The following CSRNP3 variants were observed in gnomAD, a reference collection of about 807,000 sequenced individuals.
CSRNP3 encodes cysteine/serine-rich nuclear protein 3.
Under a neutral mutation model 48.0 loss-of-function variants are expected in CSRNP3, and 12 were observed. That is an observed-to-expected ratio of 0.25 (90% CI 0.16 to 0.41). The LOEUF is 0.41. Among genes scored for constraint, CSRNP3 ranks in the 10% least tolerant of loss-of-function variants. CSRNP3 has a pLI of 1.00. For synonymous variants in CSRNP3, 263 were observed against 269.7 expected (o/e 0.98, Z 0.24); for missense variants, 580 against 724.4 (o/e 0.80, Z 2.29).
At chr2:165,554,669 T>C (rs992251255) in intron 3 of CSRNP3, among the ~76,000 whole-genome samples, 2 of 152,188 alleles carry the variant, frequency 1.3e-5, no homozygotes, top group Non-Finnish European at 1.5e-5. Flanking sequence ...TTTTTACTAC[T>C]GTGTGATCCA....
At chr2:165,632,530 A>G (rs1157810327) in intron 4 of CSRNP3, among the ~76,000 whole-genome samples, 3 of 152,092 alleles carry the variant, frequency 2.0e-5, no homozygotes, top group African/African-American at 7.2e-5. Context: ...TAACAAAAAT[A>G]AGGAAACCAA....
At chr2:165,668,765 C>G (rs1687279026) in intron 5 of CSRNP3, among the ~76,000 whole-genome samples, 1 of 152,080 alleles carries the variant, frequency 6.6e-6, no homozygotes, top group Admixed American at 6.6e-5. Context: ...TCTCTTGCCC[C>G]ACAGCACTGA....
chr2:165,609,924 G>C (rs983299581), intron 4 of CSRNP3, among the ~76,000 whole-genome samples: 1 of 152,204 alleles, frequency 6.6e-6, no homozygotes, highest in African/African-American at 2.4e-5. Flanking sequence ...CGCTATGGAA[G>C]TAAGAGTTCC....
intron 4 of CSRNP3, among the ~76,000 whole-genome samples, chr2:165,607,261 G>T (rs936630225): frequency 2.0e-5 from 3 of 151,854 alleles, no homozygotes; most frequent in African/African-American, 7.3e-5. Flanking sequence ...GTCTTATTTT[G>T]CATTCCTATT....
At chr2:165,494,682 CA>C (rs1684263429) in intron 1 of CSRNP3, 76 bp from the exon 2 acceptor site, 1 of 155,440 alleles carries the variant, frequency 6.4e-6, no homozygotes, top group Non-Finnish European at 1.5e-5. Flanking sequence ...ACAGCCCCCC[CA>C]AATGACTTTG....
chr2:165,666,970 G>GAGAGGAA (rs1558968147), intron 5 of CSRNP3, among the ~76,000 whole-genome samples: 4 of 19,880 alleles, frequency 2.0e-4, no homozygotes, highest in Non-Finnish European at 6.7e-4. Context: ...AAGGAAGGAA[G>GAGAGGAA]GAAAGAGAGA....
intron 4 of CSRNP3, among the ~76,000 whole-genome samples, chr2:165,616,185 T>A (rs566556850): frequency 1.3e-5 from 2 of 152,328 alleles, no homozygotes; most frequent in Admixed American, 1.3e-4. Flanking sequence ...TTCTTATTTA[T>A]AGGTGAGGAC....
At chr2:165,530,304 G>A (rs773155427) in intron 3 of CSRNP3, among the ~76,000 whole-genome samples, 1 of 152,026 alleles carries the variant, frequency 6.6e-6, no homozygotes, top group African/African-American at 2.4e-5. Flanking sequence ...GAAAAAAGGG[G>A]CCAGAAGTCT....
Position 165,524,312 on chromosome 2 carries a change from C to T in CSRNP3, c.-24+6351C>T, listed in dbSNP as rs1051866188. Among the ~76,000 whole-genome samples, 3 of 152,008 alleles carry T rather than the reference C, an allele frequency of 2.0e-5. No homozygotes were observed. In the South Asian group the frequency reaches 6.3e-4, roughly 32 times the overall value. On this transcript the variant is annotated intron_variant, in intron 3 of 6. Transcript: ENST00000651982. ...AAAATAAGGTGTGATCTGTGCATTA[C>T]ACAATATTAAAGTAAAATTTAAATA...
chr2:165,528,413 G>A (rs1404083405), intron 3 of CSRNP3, among the ~76,000 whole-genome samples: 1 of 152,140 alleles, frequency 6.6e-6, no homozygotes, highest in African/African-American at 2.4e-5. Flanking sequence ...GTGTCATGTG[G>A]TGTTTTCCTA....
At chr2:165,645,044 G>A (rs1686788105) in intron 4 of CSRNP3, among the ~76,000 whole-genome samples, 1 of 151,930 alleles carries the variant, frequency 6.6e-6, no homozygotes. Context: ...TTATAAAAAG[G>A]GCACTAAGGC....
At chr2:165,671,283 C>G (rs1414823222) in intron 5 of CSRNP3, among the ~76,000 whole-genome samples, 2 of 152,166 alleles carry the variant, frequency 1.3e-5, no homozygotes, top group African/African-American at 2.4e-5. Context: ...AAGGTAGCAT[C>G]ATGTCAAGAG....
chr2:165,492,071 T>A (rs1007246788), intron 1 of CSRNP3, among the ~76,000 whole-genome samples: 1 of 152,078 alleles, frequency 6.6e-6, no homozygotes, highest in Non-Finnish European at 1.5e-5. Flanking sequence ...TAAATTCTTA[T>A]TCCCCAACTC....
intron 4 of CSRNP3, among the ~76,000 whole-genome samples, chr2:165,622,267 C>T (rs377450644): frequency 3.3e-5 from 5 of 152,050 alleles, no homozygotes; most frequent in South Asian, 2.1e-4. Flanking sequence ...CTGTAATTTT[C>T]GTTTGGCTTT....
At chr2:165,625,850 G>A (rs1450086482) in intron 4 of CSRNP3, among the ~76,000 whole-genome samples, 1 of 146,184 alleles carries the variant, frequency 6.8e-6, no homozygotes, top group African/African-American at 2.5e-5. Context: ...GGAGAATCGC[G>A]TGAACTCGGG....
At chr2:165,620,225 T>G (rs964899239) in intron 4 of CSRNP3, among the ~76,000 whole-genome samples, 2 of 151,970 alleles carry the variant, frequency 1.3e-5, no homozygotes, top group African/African-American at 4.8e-5. Context: ...CTTCCAAAAA[T>G]TGTCCAAGAA....
chr2:165,588,979 A>G (rs1028378726), intron 3 of CSRNP3, among the ~76,000 whole-genome samples: 8 of 152,172 alleles, frequency 5.3e-5, no homozygotes, highest in Admixed American at 1.3e-4. Flanking sequence ...ATAAAAATAA[A>G]TAAATTAAAT....
intron 2 of CSRNP3, among the ~76,000 whole-genome samples, chr2:165,516,355 T>C (rs936897342): frequency 2.0e-5 from 3 of 152,132 alleles, no homozygotes; most frequent in African/African-American, 4.8e-5. Flanking sequence ...ATGTTCTCAA[T>C]AGAATTTTAA....
chr2:165,608,648 A>G (rs1448150162), intron 4 of CSRNP3, among the ~76,000 whole-genome samples: 1 of 152,152 alleles, frequency 6.6e-6, no homozygotes, highest in African/African-American at 2.4e-5. Flanking sequence ...ATATTTTAAA[A>G]GGTTTTACTG....
Sources: gnomAD v4.1 joint callset for allele counts (sites outside exome capture counted in the v4.1 genomes callset) on GRCh38, gnomAD v4.1.1 for gene constraint, MANE v1.5 for transcripts, NCBI Gene and HGNC (gene_info 2026-07-23, HGNC 2026-07-21) for gene names.